Variants in LRIG3 observed in about 807,000 individuals in gnomAD.
LRIG3 encodes the protein leucine rich repeats and immunoglobulin like domains 3.
A neutral mutation model predicts 114.5 loss-of-function variants in LRIG3; 76 were observed. That is an observed-to-expected ratio of 0.66 (90% CI 0.55 to 0.80). The LOEUF (loss-of-function observed/expected upper bound fraction) is 0.80, where lower values mean the gene tolerates loss of function less well. LRIG3 is among the 30% of genes least tolerant of loss of function. The probability of loss-of-function intolerance (pLI) is 0.00; values close to 1 mark genes in which losing one functional copy is unlikely to be tolerated. For synonymous variants in LRIG3, 512 were observed against 519.8 expected (o/e 0.98, Z 0.20); for missense variants, 1,239 against 1,382.8 (o/e 0.90, Z 1.65).
At chr12:58,906,771 T>C (rs1375007802) in intron 3 of LRIG3, among the ~76,000 whole-genome samples, 1 of 152,082 alleles carries the variant, frequency 6.6e-6, no homozygotes, top group Non-Finnish European at 1.5e-5. Flanking sequence ...CAGGGGTCAA[T>C]GGAAAAGAGG....
chr12:58,898,027 T>C (rs1292387368), intron 3 of LRIG3, among the ~76,000 whole-genome samples: 1 of 152,170 alleles, frequency 6.6e-6, no homozygotes, highest in African/African-American at 2.4e-5. Context: ...GTGCAGACAC[T>C]CAAGAGCAGC....
intron 3 of LRIG3, among the ~76,000 whole-genome samples, chr12:58,900,790 C>T (rs1871818178): frequency 6.6e-6 from 1 of 152,146 alleles, no homozygotes; most frequent in Non-Finnish European, 1.5e-5. Flanking sequence ...GACCAACGGA[C>T]CAGAATGCAG....
At chr12:58,880,525 G>T (rs1291828157) in intron 13 of LRIG3, 56 bp downstream of exon 13, 1 of 1,535,392 alleles carries the variant, frequency 6.5e-7, no homozygotes, top group Admixed American at 1.8e-5. Flanking sequence ...AAAAACAGGT[G>T]CTTTCTATTT....
intron 18 of LRIG3, among the ~76,000 whole-genome samples, chr12:58,873,087 TG>T (rs1178085594): frequency 6.6e-6 from 1 of 152,184 alleles, no homozygotes; most frequent in African/African-American, 2.4e-5. Context: ...GTAATGTTAA[TG>T]GTCATGCAAT....
rs1473461365 is a variant in LRIG3 at position 58,872,788 on chromosome 12, A to G, written c.3144T>C (p.Pro1048=). The G allele has an allele frequency of 6.2e-7, 1 of 1,613,898 alleles. No individual in the cohort carries two copies. The highest frequency in any genetic ancestry group is 1.3e-5 in the African/African-American group (1 of 75,046). ...CAAAGCTTGAATAGGCATCTAGGTG[A>G]GGTCTCCTGAGAGCTTTTCCAAAGG... ...MGTFGKALRR[P]HLDAYSSFGQ... is the part of the protein sequence containing the mutation. The change falls in exon 19 of 19, where the codon CCT becomes CCC. Residue 1048 remains proline, a synonymous_variant. Transcript: ENST00000320743.
intron 5 of LRIG3, among the ~76,000 whole-genome samples, chr12:58,889,515 C>T (rs555574356): frequency 1.4e-5 from 2 of 146,592 alleles, no homozygotes; most frequent in African/African-American, 5.4e-5. Context: ...AAGGTGTGGC[C>T]TGGGCAGTGA....
In LRIG3 at chr12:58,879,109, A is replaced by C. The variant is rs1871033246; in HGVS notation, c.1802-4T>G. The C allele has an allele frequency of 6.2e-7, 1 of 1,608,172 alleles. No homozygotes were observed. The highest frequency in any genetic ancestry group is 1.3e-5 in the African/African-American group (1 of 74,894). The stretch of plus-strand genomic sequence containing the variant: ...GTCTTGGTGAATGAGGGAAGCACTG[A>C]AATCAGAGAAACAATATAGGCATTA... On this transcript the variant is annotated splice_polypyrimidine_tract_variant and splice_region_variant and intron_variant, in intron 13 of 18. Coordinates refer to ENST00000320743, the MANE Select transcript of LRIG3 (RefSeq NM_153377.5).
At position 58,879,382 on chromosome 12, in the gene LRIG3, T is replaced by G. The variant is rs1408030534; in HGVS notation, c.1802-277A>C. 2.0e-5 allele frequency among the ~76,000 whole-genome samples: 3 copies of G among 152,224 alleles called. No individual in the cohort carries two copies. In the East Asian group the frequency reaches 5.8e-4, roughly 29 times the overall value. On this transcript the variant is annotated intron_variant, in intron 13 of 18. Coordinates refer to ENST00000320743, the MANE Select transcript of LRIG3 (RefSeq NM_153377.5). The stretch of plus-strand genomic sequence containing the variant: ...AGGTCTTCCTGCTATTTTCTGCCAC[T>G]TTTTAGTTTCCTCAACAATCAACTG...
Position 58,888,378 on chromosome 12 carries a change from T to C in LRIG3, c.898A>G (p.Asn300Asp). 1.2e-6 allele frequency: 2 copies of C among 1,613,910 alleles called. No individual in the cohort carries two copies. The highest frequency in any genetic ancestry group is 1.7e-6 in the Non-Finnish European group (2 of 1,179,860). Reference protein sequence around the residue: ...QELHLSQNAINRISPDAWEFC... With the variant: ...QELHLSQNAIDRISPDAWEFC... ...TCCCAGGCATCAGGGCTGATCCTGTTGATGGCATTTTGGCTGAGATGAAGT... is the reference window on the plus strand; with the variant it reads ...TCCCAGGCATCAGGGCTGATCCTGTCGATGGCATTTTGGCTGAGATGAAGT... Residue 300 changes from asparagine (N) to aspartate (D), a missense_variant, in exon 7 of 19, where the codon AAC becomes GAC. Coordinates refer to ENST00000320743, the MANE Select transcript of LRIG3 (RefSeq NM_153377.5).
At chr12:58,903,683 G>C (rs1565621710) in intron 3 of LRIG3, among the ~76,000 whole-genome samples, 1 of 151,916 alleles carries the variant, frequency 6.6e-6, no homozygotes, top group African/African-American at 2.4e-5. Context: ...TTCTTCTAGG[G>C]TTTTTATGGT....
At chr12:58,897,604 A>G (rs1230095967) in intron 3 of LRIG3, among the ~76,000 whole-genome samples, 1 of 152,176 alleles carries the variant, frequency 6.6e-6, no homozygotes, top group East Asian at 1.9e-4. Flanking sequence ...CAAAAAATCA[A>G]TAAAAGAAAA....
At position 58,874,205 on chromosome 12, in the gene LRIG3, A is replaced by T. The variant is rs2120864411; in HGVS notation, c.2965T>A (p.Ser989Thr). The change falls in exon 18 of 19, where the codon TCG (serine) becomes ACG (threonine). Residue 989 changes from serine to threonine, a missense_variant. Physicochemically the swap from Ser to Thr is moderately conservative, Grantham distance 58. Coordinates refer to ENST00000320743, the MANE Select transcript of LRIG3 (RefSeq NM_153377.5). ...AGCTTCCTCACATGTGAAGGCCACG[A>T]TATATTACTGAAGCTCCGTTCGCAG... ...ESCERSFSNI[S>T]WPSHVRKLLN... 1.9e-6 allele frequency: 3 copies of T among 1,614,188 alleles called. No homozygotes were observed. Among genetic ancestry groups the T allele is most frequent in the Admixed American group, 1.7e-5 (1 of 60,018 alleles).
chr12:58,905,697 C>A (rs895292572), intron 3 of LRIG3, among the ~76,000 whole-genome samples: 1 of 152,090 alleles, frequency 6.6e-6, no homozygotes, highest in Non-Finnish European at 1.5e-5. Flanking sequence ...AATGAGCTAT[C>A]ATGGGAGTGA....
intron 8 of LRIG3, among the ~76,000 whole-genome samples, chr12:58,887,297 CA>C (rs1871308255): frequency 6.6e-6 from 1 of 152,122 alleles, no homozygotes; most frequent in African/African-American, 2.4e-5. Context: ...TCTGACAGAG[CA>C]AAAATCAAAA....
intron 17 of LRIG3, 35 bp from the exon 18 acceptor site, chr12:58,874,365 A>C: frequency 6.2e-7 from 1 of 1,608,180 alleles, no homozygotes; most frequent in Non-Finnish European, 8.5e-7. Flanking sequence ...GAAGGAGATT[A>C]CAGTTAGCAC....
chr12:58,878,836 G>C lies in LRIG3; in HGVS notation c.2071C>G (p.Leu691Val). The change falls in exon 14 of 19, where the codon CTG becomes GTG. Residue 691 changes from leucine to valine, a missense_variant. Transcript: ENST00000320743. ...SAGSISANATLTVLETPSFLR... is the reference protein window; with the variant it reads ...SAGSISANATVTVLETPSFLR... ...CAAATTCACCCACCTAGGACAGTCA[G>C]AGTTGCATTTGCTGAAATACTTCCT... 6.2e-7 allele frequency: 1 copy of C among 1,613,686 alleles called. No homozygotes were observed. Among genetic ancestry groups the C allele is most frequent in the Non-Finnish European group, 8.5e-7 (1 of 1,179,668 alleles).
intron 1 of LRIG3, among the ~76,000 whole-genome samples, chr12:58,916,641 T>C (rs1478357657): frequency 5.3e-5 from 8 of 152,180 alleles, no homozygotes; most frequent in African/African-American, 1.9e-4. Context: ...GTTCCATTAA[T>C]AGCATCTTCC....
intron 3 of LRIG3, among the ~76,000 whole-genome samples, chr12:58,900,969 G>A (rs1039844526): frequency 3.9e-5 from 6 of 152,258 alleles, no homozygotes; most frequent in Middle Eastern, 3.4e-3. Context: ...CTGTGGCCCC[G>A]TGCTGTCGAC....
chr12:58,897,824 T>C (rs940814535), intron 3 of LRIG3, among the ~76,000 whole-genome samples: 3 of 152,216 alleles, frequency 2.0e-5, no homozygotes, highest in African/African-American at 7.2e-5. Context: ...AACTTAAAAA[T>C]TTTTACTGTT....
Sources: allele counts gnomAD v4.1 joint callset (sites outside exome capture counted in the v4.1 genomes callset), GRCh38; gene constraint gnomAD v4.1.1; transcripts MANE v1.5; gene names NCBI Gene and HGNC (gene_info 2026-07-23, HGNC 2026-07-21).